MTHFD2L: variants seen among roughly 807,000 people sequenced by gnomAD.
MTHFD2L encodes the protein methylenetetrahydrofolate dehydrogenase (NADP+ dependent) 2 like.
A neutral mutation model predicts 34.9 loss-of-function variants in MTHFD2L; 29 were observed. The ratio of observed to expected loss-of-function variants is 0.83; its 90% confidence interval spans 0.62 to 1.13. MTHFD2L has a LOEUF of 1.13. Among genes scored for constraint, MTHFD2L ranks in the 50% most tolerant of loss-of-function variants. The pLI is 0.00. For synonymous variants in MTHFD2L, 167 were observed against 155.7 expected (o/e 1.07, Z -0.54); for missense variants, 481 against 446.5 (o/e 1.08, Z -0.70).
intron 1 of MTHFD2L, among the ~76,000 whole-genome samples, chr4:74,132,972 T>C (rs1425649364): frequency 6.6e-6 from 1 of 152,218 alleles, no homozygotes; most frequent in African/African-American, 2.4e-5. Context: ...ATTTTACCAG[T>C]GGGTTTTATA....
chr4:74,276,111 T>A (rs572968034), intron 6 of MTHFD2L, among the ~76,000 whole-genome samples: 1 of 152,228 alleles, frequency 6.6e-6, no homozygotes, highest in East Asian at 1.9e-4. Context: ...AATATGAAAG[T>A]TTAGGATTGG....
intron 1 of MTHFD2L, among the ~76,000 whole-genome samples, chr4:74,165,422 ATCT>A (rs746214992): frequency 9.9e-5 from 15 of 152,054 alleles, no homozygotes; most frequent in Non-Finnish European, 2.1e-4. Flanking sequence ...CAATGGTGTG[ATCT>A]TGGCTCACTG....
At chr4:74,203,960 CT>C (rs1205680637) in intron 5 of MTHFD2L, among the ~76,000 whole-genome samples, 1 of 151,528 alleles carries the variant, frequency 6.6e-6, no homozygotes, top group Non-Finnish European at 1.5e-5. Context: ...CAGTGTATTG[CT>C]CCGTGATTTG....
At chr4:74,254,910 G>A (rs539846856) in intron 6 of MTHFD2L, among the ~76,000 whole-genome samples, 42 of 152,064 alleles carry the variant, frequency 2.8e-4, no homozygotes, top group South Asian at 2.1e-3. Flanking sequence ...CGAGGTGGGC[G>A]GATCACCTGA....
At chr4:74,169,327 A>C (rs914296095) in intron 1 of MTHFD2L, among the ~76,000 whole-genome samples, 1 of 152,190 alleles carries the variant, frequency 6.6e-6, no homozygotes, top group African/African-American at 2.4e-5. Context: ...CTTCTCTGAC[A>C]ATCTCCAGGT....
chr4:74,255,146 A>G (rs1432090008), intron 6 of MTHFD2L, among the ~76,000 whole-genome samples: 1 of 150,994 alleles, frequency 6.6e-6, no homozygotes, highest in East Asian at 1.9e-4. Context: ...CAAAAAAAAA[A>G]AAAAAAAAAA....
chr4:74,123,665 C>T (rs1463048918), upstream of MTHFD2L, among the ~76,000 whole-genome samples: 4 of 151,832 alleles, frequency 2.6e-5, no homozygotes, highest in Non-Finnish European at 5.9e-5. Context: ...ACTTAGAATG[C>T]TTCAACATTT....
At chr4:74,141,492 C>T (rs1723273096) in intron 1 of MTHFD2L, among the ~76,000 whole-genome samples, 2 of 152,152 alleles carry the variant, frequency 1.3e-5, no homozygotes, top group Admixed American at 6.5e-5. Context: ...AGTGACATAG[C>T]CTTAGTTCTG....
intron 6 of MTHFD2L, among the ~76,000 whole-genome samples, chr4:74,228,894 A>C (rs1025177845): frequency 2.6e-5 from 4 of 152,158 alleles, no homozygotes; most frequent in African/African-American, 9.7e-5. Context: ...TTACCACCAG[A>C]GGGCGCCAGT....
intron 1 of MTHFD2L, among the ~76,000 whole-genome samples, chr4:74,127,981 C>T (rs1384154304): frequency 6.6e-6 from 1 of 152,078 alleles, no homozygotes; most frequent in Non-Finnish European, 1.5e-5. Flanking sequence ...TTTGGATTTG[C>T]ATTTTTCTGG....
chr4:74,191,243 G>A (rs76243901), intron 3 of MTHFD2L, among the ~76,000 whole-genome samples: 1 of 151,966 alleles, frequency 6.6e-6, no homozygotes, highest in Non-Finnish European at 1.5e-5. Context: ...AACCCCTACT[G>A]GTAATATGGT....
At chr4:74,120,528 G>A (rs1721736379), upstream of MTHFD2L, among the ~76,000 whole-genome samples, 1 of 152,194 alleles carries the variant, frequency 6.6e-6, no homozygotes, top group African/African-American at 2.4e-5. Flanking sequence ...TGACTGGACA[G>A]CTTTCTGGTT....
At chr4:74,131,445 T>C (rs563516150) in intron 1 of MTHFD2L, among the ~76,000 whole-genome samples, 2 of 152,106 alleles carry the variant, frequency 1.3e-5, no homozygotes, top group Non-Finnish European at 2.9e-5. Flanking sequence ...TCTACAACCA[T>C]CTGATCTTTG....
intron 6 of MTHFD2L, among the ~76,000 whole-genome samples, chr4:74,227,019 C>A (rs955841186): frequency 6.6e-6 from 1 of 152,144 alleles, no homozygotes; most frequent in Non-Finnish European, 1.5e-5. Flanking sequence ...ATTTGTCCAC[C>A]AGCCCCAGTG....
intron 1 of MTHFD2L, among the ~76,000 whole-genome samples, chr4:74,135,823 C>A (rs493800): frequency 0.99 from 150,765 of 152,234 alleles, 74,677 homozygotes; most frequent in East Asian, 1. Flanking sequence ...TCAACATATG[C>A]AAATCAATAC....
chr4:74,298,912 G>C (rs1277237540), intron 7 of MTHFD2L, among the ~76,000 whole-genome samples: 1 of 151,870 alleles, frequency 6.6e-6, no homozygotes, highest in Non-Finnish European at 1.5e-5. Flanking sequence ...AATAATGTCT[G>C]TACATATAGG....
chr4:74,158,275 G>A lies in MTHFD2L; in HGVS notation c.137G>A (p.Gly46Asp), dbSNP rs1327778108. 1 of 1,416,000 alleles carries A rather than the reference G, an allele frequency of 7.1e-7. No individual in the cohort carries two copies. The highest frequency in any genetic ancestry group is 3.2e-5 in the Admixed American group (1 of 30,936). The allele number at this position is 1,416,000 out of a possible 1,614,324, so 87.7% of individuals were successfully genotyped here. The stretch of plus-strand genomic sequence containing the variant: ...GCGTTCCGGGGCTTTCGGAGCAGCG[G>A]TGTGAGGTACGAGGGCTGCGGGCGC... ...GSAFRGFRSS[G>D]VRHEAIIISG... The change falls in exon 1 of 8, where the codon GGT becomes GAT. Residue 46 changes from glycine to aspartate, a missense_variant. By Grantham distance (94) the Gly-to-Asp change is moderately conservative. Transcript: ENST00000325278.
intron 6 of MTHFD2L, among the ~76,000 whole-genome samples, chr4:74,241,030 A>T (rs1741625083): frequency 6.6e-6 from 1 of 152,198 alleles, no homozygotes; most frequent in African/African-American, 2.4e-5. Context: ...ATACTAAAAT[A>T]GAGGATAATT....
At chr4:74,234,493 A>G (rs1285252498) in intron 6 of MTHFD2L, among the ~76,000 whole-genome samples, 1 of 152,068 alleles carries the variant, frequency 6.6e-6, no homozygotes, top group Non-Finnish European at 1.5e-5. Context: ...ATGAATATGT[A>G]TGCTATTTCC....
Sources: gnomAD v4.1 joint callset for allele counts (sites outside exome capture counted in the v4.1 genomes callset) on GRCh38, gnomAD v4.1.1 for gene constraint, MANE v1.5 for transcripts, NCBI Gene and HGNC (gene_info 2026-07-23, HGNC 2026-07-21) for gene names.